CCDC180: variants seen among roughly 807,000 people sequenced by gnomAD.
CCDC180 encodes coiled-coil domain containing 180, also known as coiled-coil domain-containing protein 180.
In CCDC180, 154 loss-of-function variants were observed where a neutral mutation model predicts 209.2. The observed-to-expected ratio is 0.74, with a 90% CI of 0.65 to 0.84. CCDC180 has a LOEUF of 0.84. Ranked by LOEUF, CCDC180 falls within the 40% of genes least tolerant of loss-of-function variation. CCDC180 has a pLI of 0.00. For synonymous variants in CCDC180, 778 were observed against 749.1 expected (o/e 1.04, Z -0.63); for missense variants, 1,874 against 1,997.3 (o/e 0.94, Z 1.18).
At chr9:97,367,498 A>C (rs1826958449) in intron 31 of CCDC180, among the ~76,000 whole-genome samples, 2 of 138,346 alleles carry the variant, frequency 1.4e-5, no homozygotes, top group East Asian at 2.1e-4. Context: ...ACAGAGTCTC[A>C]CTCTGTTGCC....
At chr9:97,360,622 A>G (rs576901010) in intron 26 of CCDC180, among the ~76,000 whole-genome samples, 92 of 152,212 alleles carry the variant, frequency 6.0e-4, no homozygotes, top group Admixed American at 1.3e-3. Context: ...CTGGACACAC[A>G]GCAGCCTCCA....
chr9:97,330,657 G>A lies in CCDC180; in HGVS notation c.2164G>A (p.Glu722Lys). 1 of 1,608,052 alleles carries A rather than the reference G, an allele frequency of 6.2e-7. No individual in the cohort carries two copies. Among genetic ancestry groups the A allele is most frequent in the Non-Finnish European group, 8.5e-7 (1 of 1,178,696 alleles). The part of the protein sequence containing the change: ...NVKGQGEKKE[E>K]SEEEDEKEEE... ...GAAGGGTCAAGGAGAAAAGAAGGAG[G>A]AGTCAGAGGAGGAAGATGAGAAGGA... The change falls in exon 18 of 37, where the codon GAG (glutamate) becomes AAG (lysine). Residue 722 changes from glutamate to lysine, a missense_variant. Physicochemically the swap from Glu to Lys is moderately conservative, Grantham distance 56. Transcript: ENST00000529487.
chr9:97,345,481 T>C (rs1252333558), intron 19 of CCDC180: 2 of 363,056 alleles, frequency 5.5e-6, no homozygotes, highest in African/African-American at 2.2e-5. Context: ...CCTTTAAAAA[T>C]ACTCATTGGG....
rs576010464 is a variant in CCDC180 at position 97,365,389 on chromosome 9, G to A, written c.3981-284G>A. 3.9e-4 allele frequency: 148 copies of A among 384,120 alleles called. 2 individuals are homozygous for A. The highest frequency in any genetic ancestry group is 2.8e-3 in the African/African-American group (135 of 48,790). The allele number at this position is 384,120 out of a possible 1,614,324, so 23.8% of individuals were successfully genotyped here. Reference sequence around the variant, plus strand: ...ATCCACCTGATTAGCATGTCATAAGGCTGAGGGGGCATTAATCCAAGATCA... The same window carrying A: ...ATCCACCTGATTAGCATGTCATAAGACTGAGGGGGCATTAATCCAAGATCA... On this transcript the variant is annotated intron_variant, in intron 29 of 36. Coordinates refer to ENST00000529487, the MANE Select transcript of CCDC180 (RefSeq NM_020893.6).
chr9:97,349,035 G>A (rs937421073), intron 20 of CCDC180, 76 bp from the exon 21 acceptor site: 81 of 1,358,394 alleles, frequency 6.0e-5, no homozygotes, highest in South Asian at 1.7e-4. Context: ...GGCAGCAGGC[G>A]GGCCTTGTTC....
At position 97,323,909 on chromosome 9, in the gene CCDC180, T is replaced by C. The variant is rs750020693; in HGVS notation, c.1371+6T>C. 36 of 1,552,570 alleles carry C rather than the reference T, an allele frequency of 2.3e-5. No individual in the cohort carries two copies. Among genetic ancestry groups the C allele is most frequent in the Non-Finnish European group, 3.0e-5 (35 of 1,147,794 alleles). On this transcript the variant is annotated splice_donor_region_variant and intron_variant, in intron 13 of 36. Transcript: ENST00000529487. Reference sequence around the variant, plus strand: ...AGGACCTGGAGCTCTTGGACGTGCGTGCTGGGGACTGTTCCACTGGGGAGC... The same window carrying C: ...AGGACCTGGAGCTCTTGGACGTGCGCGCTGGGGACTGTTCCACTGGGGAGC...
In CCDC180 at chr9:97,322,865, C is replaced by T. The variant is rs371546280; in HGVS notation, c.1192C>T (p.Arg398Cys). ...TYHVDCMMRIRLLYEKTWQEC... is the reference protein window; with the variant it reads ...TYHVDCMMRICLLYEKTWQEC... Reference sequence around the variant, plus strand: ...CCACGTGGACTGCATGATGCGGATCCGCCTGCTGTATGAGAAGACATGGCA... The same window carrying T: ...CCACGTGGACTGCATGATGCGGATCTGCCTGCTGTATGAGAAGACATGGCA... Residue 398 changes from arginine (R) to cysteine (C), a missense_variant, in exon 12 of 37, where the codon CGC (arginine) becomes TGC (cysteine). Arg to Cys is a radical substitution (Grantham distance 180). Transcript: ENST00000529487. 5.8e-5 allele frequency: 93 copies of T among 1,614,098 alleles called. No homozygotes were observed. Among genetic ancestry groups the T allele is most frequent in the African/African-American group, 3.9e-4 (29 of 75,032 alleles).
chr9:97,332,483 G>C (rs1030575458), intron 18 of CCDC180, among the ~76,000 whole-genome samples: 2 of 152,124 alleles, frequency 1.3e-5, no homozygotes, highest in Non-Finnish European at 2.9e-5. Context: ...TAAAGATATT[G>C]ACTCTTCCTA....
chr9:97,328,372 T>C (rs1833605030), intron 16 of CCDC180, among the ~76,000 whole-genome samples: 1 of 152,192 alleles, frequency 6.6e-6, no homozygotes, highest in Non-Finnish European at 1.5e-5. Context: ...AATGGACTTA[T>C]AATGAAAAGG....
intron 28 of CCDC180, among the ~76,000 whole-genome samples, chr9:97,362,733 G>A (rs1423435472): frequency 2.0e-5 from 3 of 151,814 alleles, no homozygotes; most frequent in African/African-American, 7.3e-5. Context: ...TCTGGGCCTT[G>A]GCGCCCTGCC....
intron 3 of CCDC180, among the ~76,000 whole-genome samples, chr9:97,310,030 C>T (rs1475418302): frequency 6.6e-6 from 1 of 152,186 alleles, no homozygotes; most frequent in Non-Finnish European, 1.5e-5. Flanking sequence ...TTGGCCCCCT[C>T]CTGAAGGCTG....
At chr9:97,308,803 AG>A (rs2118501587) in intron 2 of CCDC180, among the ~76,000 whole-genome samples, 1 of 152,370 alleles carries the variant, frequency 6.6e-6, no homozygotes, top group East Asian at 1.9e-4. Context: ...AAAAGTATAA[AG>A]AAGCCAAAAC....
chr9:97,325,386 G>A (rs1472145984), intron 14 of CCDC180, among the ~76,000 whole-genome samples, 194 bp downstream of exon 14: 1 of 152,226 alleles, frequency 6.6e-6, no homozygotes, highest in Non-Finnish European at 1.5e-5. Flanking sequence ...GAGCATGCAT[G>A]AGAGACAGAC....
Position 97,374,595 on chromosome 9 carries a change from T to C in CCDC180, c.4653T>C (p.Ala1551=), listed in dbSNP as rs964759146. 1.2e-6 allele frequency: 2 copies of C among 1,614,032 alleles called. No homozygotes were observed. Among genetic ancestry groups the C allele is most frequent in the African/African-American group, 2.7e-5 (2 of 74,928 alleles). ...CAATGCTCATACGAAGGAAACTCGCTGGGCTCTCCCTGAAGGAAGAGAGTG... is the reference window on the plus strand; with the variant it reads ...CAATGCTCATACGAAGGAAACTCGCCGGGCTCTCCCTGAAGGAAGAGAGTG... ...KLSMLIRRKL[A]GLSLKEESEK... is the part of the protein sequence containing the mutation. Residue 1551 remains alanine, a synonymous_variant, in exon 35 of 37, where the codon GCT becomes GCC. Coordinates refer to ENST00000529487, the MANE Select transcript of CCDC180 (RefSeq NM_020893.6).
intron 15 of CCDC180, 35 bp downstream of exon 15, chr9:97,326,704 TG>T: frequency 7.6e-7 from 1 of 1,320,596 alleles, no homozygotes; most frequent in Non-Finnish European, 1.1e-6. Context: ...CAGGAAGGGA[TG>T]GTCAGGAATT....
intron 24 of CCDC180, among the ~76,000 whole-genome samples, chr9:97,355,583 C>T (rs1314802228): frequency 6.6e-6 from 1 of 152,216 alleles, no homozygotes; most frequent in Non-Finnish European, 1.5e-5. Flanking sequence ...CTGTTTTTAT[C>T]TCCATTTTAG....
chr9:97,347,273 T>G lies in CCDC180; in HGVS notation c.2499-41T>G, dbSNP rs886874430. 3.3e-6 allele frequency: 5 copies of G among 1,529,294 alleles called. No homozygotes were observed. The African/African-American group carries it at 6.9e-5, about 21-fold the overall frequency. 94.7% of individuals were successfully genotyped at this position (1,529,294 alleles called of 1,614,324 possible). A position where few individuals can be genotyped will look rare whatever the true frequency, so the allele number is the denominator to read the frequency against. ...ATATGGAAAGACCTCTCATGGGTCA[T>G]GATTGCTGGCAGGGCTGACCCTGGC... On this transcript the variant is annotated intron_variant, in intron 19 of 36. Transcript: ENST00000529487.
chr9:97,309,579 A>G lies in CCDC180; in HGVS notation c.235A>G (p.Ile79Val), dbSNP rs775083413. ...GATGCACAGCCTCCCCAACGACTGG[A>G]TCATGGAAAACCCTGTTCTCCACAG... ...KWMHSLPNDW[I>V]MENPVLHREK... Residue 79 changes from isoleucine (I) to valine (V), a missense_variant, in exon 3 of 37, where the codon ATC becomes GTC. Physicochemically the swap from Ile to Val is conservative, Grantham distance 29 (BLOSUM62 3). Coordinates refer to ENST00000529487, the MANE Select transcript of CCDC180 (RefSeq NM_020893.6). 1.8e-5 allele frequency: 28 copies of G among 1,588,898 alleles called. No individual in the cohort carries two copies. The highest frequency in any genetic ancestry group is 1.1e-4 in the African/African-American group (8 of 73,396).
chr9:97,369,908 C>G lies in CCDC180; in HGVS notation c.4190-14C>G. Reference sequence around the variant, plus strand: ...CTGTTCCCTCCCTTGGCCTCTTACCCGCACTTCTGGCAGAATTACGGATCC... The same window carrying G: ...CTGTTCCCTCCCTTGGCCTCTTACCGGCACTTCTGGCAGAATTACGGATCC... On this transcript the variant is annotated splice_polypyrimidine_tract_variant and intron_variant, in intron 31 of 36. Transcript: ENST00000529487. 1.2e-6 allele frequency: 2 copies of G among 1,613,926 alleles called. No homozygotes were observed. Among genetic ancestry groups the G allele is most frequent in the Non-Finnish European group, 1.7e-6 (2 of 1,179,930 alleles).
Sources: allele counts gnomAD v4.1 joint callset (sites outside exome capture counted in the v4.1 genomes callset), GRCh38; gene constraint gnomAD v4.1.1; transcripts MANE v1.5; gene names NCBI Gene and HGNC (gene_info 2026-07-23, HGNC 2026-07-21).